TENM1: variants seen among roughly 807,000 people sequenced by gnomAD.
TENM1 encodes the protein teneurin-1.
In TENM1, 35 loss-of-function variants were observed where a neutral mutation model predicts 174.8. That is an observed-to-expected ratio of 0.20 (90% CI 0.15 to 0.27). The LOEUF is 0.27. TENM1 is among the 10% of genes least tolerant of loss of function. The pLI, the probability that TENM1 is intolerant of heterozygous loss-of-function variation, is 1.00. For missense variants in TENM1, 1,633 were observed against 2,130.1 expected, an observed-to-expected ratio of 0.77 and a Z score of 4.59; for synonymous variants, 781 against 798.7, an observed-to-expected ratio of 0.98 and a Z score of 0.37.
chrX:124,440,029 T>C (rs769783091), intron 23 of TENM1, among the ~76,000 whole-genome samples: 1 of 111,087 alleles, frequency 9.0e-6, no homozygotes, highest in Non-Finnish European at 1.9e-5. Context: ...ACTGACTTTA[T>C]ATATTGGTAT....
intron 3 of TENM1, among the ~76,000 whole-genome samples, chrX:124,788,928 T>C (rs763729354): frequency 4.5e-5 from 5 of 112,188 alleles, no homozygotes; most frequent in African/African-American, 1.3e-4. Flanking sequence ...GGACTCTGGG[T>C]TGGGGCTTTG....
intron 11 of TENM1, 37 bp downstream of exon 14, chrX:124,641,754 G>T: frequency 8.8e-7 from 1 of 1,140,620 alleles, no homozygotes; most frequent in Non-Finnish European, 1.2e-6. Context: ...TAGAATTTAA[G>T]AGTAGAGGAA....
the TENM1 span, among the ~76,000 whole-genome samples, chrX:125,061,083 G>T: frequency 1.2e-5 from 1 of 85,290 alleles, no homozygotes; most frequent in South Asian, 4.6e-4. Flanking sequence ...GAAAATTGTT[G>T]CATAATTACA....
chrX:124,563,624 A>T, intron 13 of TENM1, 125 bp downstream of exon 16: 1 of 525,769 alleles, frequency 1.9e-6, no homozygotes, highest in Non-Finnish European at 3.0e-6. Flanking sequence ...CATTATATTT[A>T]AATAAGATTG....
intron 22 of TENM1, among the ~76,000 whole-genome samples, chrX:124,480,662 T>A (rs2147933669): frequency 8.9e-6 from 1 of 112,469 alleles, no homozygotes; most frequent in African/African-American, 3.2e-5. Context: ...TGGGTGATTT[T>A]AATTAAATTT....
At chrX:124,399,461 C>T (rs2060375454) in intron 27 of TENM1, among the ~76,000 whole-genome samples, 1 of 111,463 alleles carries the variant, frequency 9.0e-6, no homozygotes, top group African/African-American at 3.3e-5. Context: ...TTTTTCTCAC[C>T]CAACTTTGGC....
At chrX:124,884,769 T>A (rs745668629) in intron 3 of TENM1, among the ~76,000 whole-genome samples, 1 of 112,238 alleles carries the variant, frequency 8.9e-6, no homozygotes, top group East Asian at 2.8e-4. Flanking sequence ...GCTAGCTTCC[T>A]TTCTCTCTCT....
At chrX:124,931,518 C>A (rs1198596074) in intron 1 of TENM1, among the ~76,000 whole-genome samples, 1 of 110,983 alleles carries the variant, frequency 9.0e-6, no homozygotes, top group Non-Finnish European at 1.9e-5. Context: ...GCAGAAAACG[C>A]CCAAGAAAAG....
At chrX:125,030,907 C>T in the TENM1 span, among the ~76,000 whole-genome samples, 125 of 111,247 alleles carry the variant, frequency 1.1e-3, no homozygotes, top group Non-Finnish European at 2.1e-3. Flanking sequence ...TTCCTATAAA[C>T]GTTTAAATAA....
At chrX:125,038,586 T>C in the TENM1 span, among the ~76,000 whole-genome samples, 1 of 111,110 alleles carries the variant, frequency 9.0e-6, no homozygotes, top group Non-Finnish European at 1.9e-5. Flanking sequence ...CGAACAGGAG[T>C]AGATTTAATA....
At chrX:125,164,358 A>T in the TENM1 span, among the ~76,000 whole-genome samples, 1 of 111,802 alleles carries the variant, frequency 8.9e-6, no homozygotes, top group African/African-American at 3.3e-5. Context: ...TTGCCTATCA[A>T]ATAAAGTCTG....
chrX:124,460,264 A>G (rs781116583), intron 22 of TENM1, among the ~76,000 whole-genome samples: 39 of 111,773 alleles, frequency 3.5e-4, no homozygotes, highest in African/African-American at 6.8e-4. Flanking sequence ...TTCTATTATA[A>G]AGACACATGC....
At chrX:124,674,450 G>A (rs2052013089) in intron 5 of TENM1, among the ~76,000 whole-genome samples, 1 of 110,369 alleles carries the variant, frequency 9.1e-6, no homozygotes, top group African/African-American at 3.3e-5. Context: ...GAACAGAGAA[G>A]GATAGCCTAT....
the TENM1 span, among the ~76,000 whole-genome samples, chrX:125,166,587 T>C: frequency 2.7e-5 from 3 of 111,703 alleles, no homozygotes; most frequent in African/African-American, 9.7e-5. Flanking sequence ...AAGGAGATTT[T>C]TGGAAAAACA....
chrX:125,086,521 A>G, the TENM1 span, among the ~76,000 whole-genome samples: 1 of 111,190 alleles, frequency 9.0e-6, no homozygotes, highest in African/African-American at 3.2e-5. Flanking sequence ...GTAGTTCTCA[A>G]GAAAATATAA....
intron 3 of TENM1, among the ~76,000 whole-genome samples, chrX:124,791,577 T>C (rs1479843203): frequency 9.0e-6 from 1 of 111,503 alleles, no homozygotes; most frequent in Non-Finnish European, 1.9e-5. Flanking sequence ...CTCACGCTCA[T>C]GCTGTCACTG....
chrX:124,552,382 T>C (rs2048592956), intron 14 of TENM1, among the ~76,000 whole-genome samples: 2 of 110,011 alleles, frequency 1.8e-5, no homozygotes, highest in Admixed American at 2.0e-4. Context: ...GTATTTCCTC[T>C]GGAAATAGTC....
intron 3 of TENM1, among the ~76,000 whole-genome samples, chrX:124,772,748 T>C (rs1222427921): frequency 9.0e-6 from 1 of 111,575 alleles, no homozygotes; most frequent in African/African-American, 3.3e-5. Context: ...TGATATGTCA[T>C]ACTTTGTCAA....
intron 3 of TENM1, among the ~76,000 whole-genome samples, chrX:124,799,615 C>A (rs1212580656): frequency 9.0e-6 from 1 of 111,345 alleles, no homozygotes; most frequent in Non-Finnish European, 1.9e-5. Context: ...TGCCTGATTA[C>A]CCTGCCAGAA....
Sources: allele counts gnomAD v4.1 joint callset (sites outside exome capture counted in the v4.1 genomes callset), GRCh38; gene constraint gnomAD v4.1.1; transcripts MANE v1.5; gene names NCBI Gene and HGNC (gene_info 2026-07-23, HGNC 2026-07-21).